The following ARMC12 variants were observed in gnomAD, a reference collection of about 807,000 sequenced individuals.
The protein encoded by ARMC12 is armadillo repeat-containing protein 12.
In ARMC12, 25 loss-of-function variants were observed where a neutral mutation model predicts 37.4. The ratio of observed to expected loss-of-function variants is 0.67; its 90% CI spans 0.49 to 0.93. The LOEUF (loss-of-function observed/expected upper bound fraction) is 0.93, where lower values mean the gene tolerates loss of function less well. Ranked by LOEUF, ARMC12 falls within the 40% of genes least tolerant of loss-of-function variation. The pLI is 0.00. For missense variants in ARMC12, 384 were observed against 426.6 expected, an observed-to-expected ratio of 0.90 and a Z score of 0.88; for synonymous variants, 167 against 176.1, an observed-to-expected ratio of 0.95 and a Z score of 0.41.
Position 35,748,820 on chromosome 6 carries a change from C to T in ARMC12, c.973C>T (p.Arg325Trp), listed in dbSNP as rs372735857. 3.8e-5 allele frequency: 61 copies of T among 1,613,770 alleles called. No individual in the cohort carries two copies. The African/African-American group carries it at 3.9e-4, about 10-fold the overall frequency. Residue 325 changes from arginine to tryptophan, a missense_variant, in exon 6 of 6, where the codon CGG (arginine) becomes TGG (tryptophan). By Grantham distance (101) the Arg-to-Trp change is moderately radical. Transcript: ENST00000373866. The part of the protein sequence containing the change: ...SLQYPQDLRA[R>W]PSSCQPSRSY... ...GCAGTATCCCCAGGACTTGAGAGCC[C>T]GGCCCTCCTCCTGCCAGCCCAGTCG... is the stretch of plus-strand genomic sequence containing the variant.
chr6:35,732,576 G>C (rs1581914030), upstream of ARMC12, among the ~76,000 whole-genome samples: 1 of 152,268 alleles, frequency 6.6e-6, no homozygotes, highest in East Asian at 1.9e-4. Flanking sequence ...ACAAGTGCTG[G>C]GCCGCTGCAG....
intron 3 of ARMC12, among the ~76,000 whole-genome samples, chr6:35,739,406 T>C (rs1767098535): frequency 6.6e-6 from 1 of 152,230 alleles, no homozygotes; most frequent in Admixed American, 6.5e-5. Context: ...GACCTTCCAC[T>C]GGAGCCTCAG....
chr6:35,747,280 T>A lies in ARMC12; in HGVS notation c.464T>A (p.Leu155His), dbSNP rs1458851448. 1.6e-5 allele frequency: 26 copies of A among 1,612,290 alleles called. No homozygotes were observed. The highest frequency in any genetic ancestry group is 1.9e-5 in the Non-Finnish European group (23 of 1,179,914). The change falls in exon 4 of 6, where the codon CTC (leucine) becomes CAC (histidine). Residue 155 changes from leucine (L) to histidine (H), a missense_variant. By Grantham distance (99) the Leu-to-His change is moderately conservative. Transcript: ENST00000373866. ...LKIQEHSIKV[L>H]ELISTIWDTE... ...CTCCAGGAACACTCCATCAAAGTAC[T>A]CGAACTGATCTCCACCATCTGGGAC...
chr6:35,738,468 A>C lies in ARMC12; in HGVS notation c.394A>C (p.Asn132His), dbSNP rs1767064087. 5.0e-6 allele frequency: 8 copies of C among 1,613,862 alleles called. No individual in the cohort carries two copies. Among genetic ancestry groups the C allele is most frequent in the Non-Finnish European group, 6.8e-6 (8 of 1,180,016 alleles). The change falls in exon 3 of 6, where the codon AAT (asparagine) becomes CAT (histidine). Residue 132 changes from asparagine to histidine, a missense_variant. Physicochemically the swap from Asn to His is moderately conservative, Grantham distance 68. Transcript: ENST00000373866. Reference sequence around the variant, plus strand: ...CAACAGTGTCAAAACCCAAGCTCTGAATACACTTAAAGCTTTCTCTGGCAT... The same window carrying C: ...CAACAGTGTCAAAACCCAAGCTCTGCATACACTTAAAGCTTTCTCTGGCAT... ...KDNSVKTQAL[N>H]TLKAFSGIRK...
intron 3 of ARMC12, among the ~76,000 whole-genome samples, chr6:35,738,925 C>G (rs1350052359): frequency 6.6e-6 from 1 of 152,216 alleles, no homozygotes; most frequent in Non-Finnish European, 1.5e-5. Flanking sequence ...AGGTACCAAT[C>G]ATAGGTCTGA....
At chr6:35,744,699 G>A (rs182773778) in intron 3 of ARMC12, among the ~76,000 whole-genome samples, 49 of 152,148 alleles carry the variant, frequency 3.2e-4, no homozygotes, top group African/African-American at 1.1e-3. Context: ...AGGTTGCAGC[G>A]AGCCGAGATC....
At chr6:35,737,885 A>T in intron 1 of ARMC12, 142 bp from the exon 2 acceptor site, 1 of 1,092,774 alleles carries the variant, frequency 9.2e-7, no homozygotes, top group Non-Finnish European at 1.4e-6. Context: ...TCAACTGTAC[A>T]TGGTGGTCCT....
intron 3 of ARMC12, among the ~76,000 whole-genome samples, chr6:35,744,864 G>A (rs1767289835): frequency 6.6e-6 from 1 of 152,184 alleles, no homozygotes; most frequent in Non-Finnish European, 1.5e-5. Context: ...ATAAGCACAT[G>A]AAACCATGTT....
In ARMC12 at chr6:35,738,042, G is replaced by C; in HGVS notation, c.179G>C (p.Arg60Pro). ...GGCTGTCTAGGCCTGGCAGTCGAGC[G>C]AGAGCGGCACGGGCGGGACTCAGGT... is the stretch of plus-strand genomic sequence containing the variant. ...PICIARLAVERERHGRDSGEL... is the reference protein window; with the variant it reads ...PICIARLAVEPERHGRDSGEL... The change falls in exon 2 of 6, where the codon CGA becomes CCA. Residue 60 changes from arginine to proline, a missense_variant. Physicochemically the swap from Arg to Pro is moderately radical, Grantham distance 103. Coordinates refer to ENST00000373866, the MANE Select transcript of ARMC12 (RefSeq NM_001286574.2). 1.2e-6 allele frequency: 2 copies of C among 1,613,608 alleles called. No homozygotes were observed. The highest frequency in any genetic ancestry group is 1.7e-6 in the Non-Finnish European group (2 of 1,180,036).
chr6:35,737,436 C>G, intron 1 of ARMC12, 165 bp downstream of exon 1: 2 of 1,574,436 alleles, frequency 1.3e-6, no homozygotes, highest in South Asian at 1.1e-5. Flanking sequence ...AGGCAAGGCC[C>G]TGCCAGAGAT....
chr6:35,741,157 A>C lies in ARMC12; in HGVS notation c.444+2639A>C, dbSNP rs75511272. On this transcript the variant is annotated intron_variant, in intron 3 of 5. Transcript: ENST00000373866. ...CCGCTCTGTGGTGGTCTCTTTCGTG[A>C]ATACTCTGCCACTTGCCCGTTGTTA... is the stretch of plus-strand genomic sequence containing the variant. Among the ~76,000 whole-genome samples the C allele has an allele frequency of 4.3e-3, 655 of 152,072 alleles. 2 individuals carry two copies. The highest frequency in any genetic ancestry group is 0.015 in the African/African-American group (618 of 41,468).
intron 5 of ARMC12, 132 bp downstream of exon 5, chr6:35,747,779 A>C (rs1005177637): frequency 7.7e-6 from 7 of 910,524 alleles, no homozygotes; most frequent in Non-Finnish European, 1.2e-5. Flanking sequence ...CACTAAATGC[A>C]CTGAAAATCA....
At chr6:35,743,945 C>CA (rs575151896) in intron 3 of ARMC12, among the ~76,000 whole-genome samples, 4,570 of 88,548 alleles carry the variant, frequency 0.052, 94 homozygotes, top group African/African-American at 0.092. Flanking sequence ...GACTCCATCT[C>CA]AAAAAAAAAA....
chr6:35,735,859 G>C (rs980178177), upstream of ARMC12: 1 of 152,208 alleles, frequency 6.6e-6, no homozygotes, highest in Non-Finnish European at 1.5e-5. The surrounding 1 kb of genome is among the most constrained non-coding windows in gnomAD (Gnocchi z 4.0). Context: ...CTCACAAGCC[G>C]CCTCATATCC....
At chr6:35,745,709 C>T (rs1345834660) in intron 3 of ARMC12, among the ~76,000 whole-genome samples, 1 of 152,134 alleles carries the variant, frequency 6.6e-6, no homozygotes, top group South Asian at 2.1e-4. Flanking sequence ...GCACATGGGA[C>T]CTCGCTGTAC....
chr6:35,737,381 G>T (rs750803423), intron 1 of ARMC12, 110 bp downstream of exon 1: 1 of 1,612,214 alleles, frequency 6.2e-7, no homozygotes, highest in South Asian at 1.1e-5. Context: ...TCTTTCCTTT[G>T]TCTTTCTCTT....
At chr6:35,738,953 A>G (rs1290093579) in intron 3 of ARMC12, among the ~76,000 whole-genome samples, 1 of 152,162 alleles carries the variant, frequency 6.6e-6, no homozygotes, top group African/African-American at 2.4e-5. Context: ...CTGGCCCGCT[A>G]TGAATTCGGG....
chr6:35,746,061 A>AT (rs1385750115), intron 3 of ARMC12, among the ~76,000 whole-genome samples: 5 of 132,200 alleles, frequency 3.8e-5, no homozygotes, highest in South Asian at 5.0e-4. Context: ...ATAAAATAAA[A>AT]TAAAATTAAA....
chr6:35,736,211 C>G (rs368104989), upstream of ARMC12, among the ~76,000 whole-genome samples: 517 of 152,344 alleles, frequency 3.4e-3, 11 homozygotes, highest in Middle Eastern at 0.02. Flanking sequence ...GGGCAACATG[C>G]AGATGCTGGA....
Sources: gnomAD v4.1 joint callset for allele counts (sites outside exome capture counted in the v4.1 genomes callset) on GRCh38, gnomAD v4.1.1 for gene constraint, Gnocchi (gnomAD v3.1) non-coding constraint, MANE v1.5 for transcripts, NCBI Gene and HGNC (gene_info 2026-07-23, HGNC 2026-07-21) for gene names.